Variants in SRCIN1 observed in about 807,000 individuals in gnomAD.
The protein encoded by SRCIN1 is P130Cas-associated protein.
SRCIN1 carries 50 observed loss-of-function variants against 116.2 expected under a neutral mutation model. That is an observed-to-expected ratio of 0.43 (90% CI 0.34 to 0.54). SRCIN1 has a LOEUF of 0.54. Among genes scored for constraint, SRCIN1 ranks in the 20% least tolerant of loss-of-function variants. SRCIN1 has a pLI of 0.02. For synonymous variants in SRCIN1, 736 were observed against 750.0 expected (o/e 0.98, Z 0.30); for missense variants, 1,446 against 1,672.0 (o/e 0.86, Z 2.36).
chr17:38,537,164 CGA>C (rs1279297146), intron 18 of SRCIN1, among the ~76,000 whole-genome samples: 3 of 149,518 alleles, frequency 2.0e-5, no homozygotes, highest in African/African-American at 4.9e-5. Flanking sequence ...GGTGACAGAG[CGA>C]GAGACTCTAT....
intron 14 of SRCIN1, chr17:38,551,628 T>C (rs576036140): frequency 6.1e-6 from 4 of 653,108 alleles, no homozygotes; most frequent in Admixed American, 5.8e-5. Flanking sequence ...TTCTGGGCAT[T>C]CTATTGTTTC....
chr17:38,601,357 A>T (rs1909010392), intron 1 of SRCIN1, among the ~76,000 whole-genome samples: 1 of 152,006 alleles, frequency 6.6e-6, no homozygotes, highest in Admixed American at 6.5e-5. Flanking sequence ...CATGGGTGGG[A>T]GATGGAGCTG....
intron 15 of SRCIN1, 72 bp downstream of exon 15, chr17:38,551,083 C>G: frequency 1.5e-6 from 1 of 647,508 alleles, no homozygotes; most frequent in Admixed American, 2.9e-5. Flanking sequence ...AGTGCCTCCC[C>G]CATCAGCCTG....
chr17:38,543,096 A>G (rs2144901478), intron 18 of SRCIN1: 1 of 456,692 alleles, frequency 2.2e-6, no homozygotes, highest in Non-Finnish European at 4.4e-6. Flanking sequence ...CAGGTGAGGT[A>G]TGTCCACTCT....
chr17:38,547,010 C>T (rs1346062120), intron 17 of SRCIN1, among the ~76,000 whole-genome samples: 2 of 152,216 alleles, frequency 1.3e-5, no homozygotes, highest in Non-Finnish European at 2.9e-5. Context: ...GGGTAGGGTG[C>T]AGACAGCAGG....
intron 1 of SRCIN1, among the ~76,000 whole-genome samples, chr17:38,601,638 GCACACACACACACACGCTCGCGCGCA>G (rs1567888492): frequency 7.3e-6 from 1 of 137,664 alleles, no homozygotes; most frequent in East Asian, 2.0e-4. Context: ...ACACACACAC[GCACACACACACACACGCTCGCGCGCA>G]CACACACACA....
chr17:38,561,927 C>A lies in SRCIN1; in HGVS notation c.1236G>T (p.Ala412=). 1 of 1,450,124 alleles carries A rather than the reference C, an allele frequency of 6.9e-7. No homozygotes were observed. Among genetic ancestry groups the A allele is most frequent in the Non-Finnish European group, 9.0e-7 (1 of 1,116,002 alleles). 89.8% of individuals were successfully genotyped at this position (1,450,124 alleles called of 1,614,324 possible). A position where few individuals can be genotyped will look rare whatever the true frequency, so the allele number is the denominator to read the frequency against. ...LLHEGRLSLA[A]AAGDPFAYPG... Reference sequence around the variant, plus strand: ...GGTAGGCGAACGGGTCGCCGGCGGCCGCGGCCAGGCTCAGACGGCCCTCGT... The same window carrying A: ...GGTAGGCGAACGGGTCGCCGGCGGCAGCGGCCAGGCTCAGACGGCCCTCGT... Residue 412 remains alanine (A), a synonymous_variant, in exon 7 of 19, where the codon GCG becomes GCT. Coordinates refer to ENST00000617146, the MANE Select transcript of SRCIN1 (RefSeq NM_025248.3).
At chr17:38,570,413 G>T (rs1567871503) in intron 2 of SRCIN1, among the ~76,000 whole-genome samples, 1 of 152,144 alleles carries the variant, frequency 6.6e-6, no homozygotes, top group Non-Finnish European at 1.5e-5. Flanking sequence ...CACTCACAGT[G>T]AGAGACACAC....
At chr17:38,587,203 A>C (rs1908160909) in intron 1 of SRCIN1, among the ~76,000 whole-genome samples, 1 of 151,718 alleles carries the variant, frequency 6.6e-6, no homozygotes, top group Non-Finnish European at 1.5e-5. Flanking sequence ...AGGCCCACCC[A>C]CCACATCAGG....
rs371554660 is a variant in SRCIN1 at position 38,602,640 on chromosome 17, A to G, written c.22+3044T>C. On this transcript the variant is annotated intron_variant, in intron 1 of 18. Transcript: ENST00000617146. The surrounding 1 kb of genome is among the most constrained non-coding windows in gnomAD (Gnocchi z 4.2). The stretch of plus-strand genomic sequence containing the variant: ...GTGTCCCTCTCTGGGCCTCAAGGAC[A>G]TAAATGAAGAAAGAAAACAGATTTC... 1.3e-5 allele frequency: 2 copies of G among 152,270 alleles called. No homozygotes were observed. The highest frequency in any genetic ancestry group is 6.5e-5 in the Admixed American group (1 of 15,292). The allele number at this position is 152,270 out of a possible 1,614,324, so 9.4% of individuals were successfully genotyped here.
At position 38,562,745 on chromosome 17, in the gene SRCIN1, C is replaced by A; in HGVS notation, c.834+82G>T. On this transcript the variant is annotated intron_variant, in intron 6 of 18. Transcript: ENST00000617146. The surrounding 1 kb of genome is among the most constrained non-coding windows in gnomAD (Gnocchi z 4.2). ...GTCTTCTCCAAAGCTGGCCCTGGTT[C>A]CAGATGACAACTGCCCAGACCCTGC... The A allele has an allele frequency of 7.9e-7, 1 of 1,266,688 alleles. No homozygotes were observed. The highest frequency in any genetic ancestry group is 1.1e-6 in the Non-Finnish European group (1 of 894,146). The allele number at this position is 1,266,688 out of a possible 1,614,324, so 78.5% of individuals were successfully genotyped here. A position where few individuals can be genotyped will look rare whatever the true frequency, so the allele number is the denominator to read the frequency against.
At chr17:38,540,906 G>A (rs1427276256) in intron 18 of SRCIN1, among the ~76,000 whole-genome samples, 3 of 152,144 alleles carry the variant, frequency 2.0e-5, no homozygotes, top group African/African-American at 7.2e-5. Context: ...GTGAGACATC[G>A]ATGGTTTTCC....
intron 2 of SRCIN1, among the ~76,000 whole-genome samples, chr17:38,576,528 G>A (rs1489124317): frequency 1.3e-5 from 2 of 151,924 alleles, no homozygotes; most frequent in Non-Finnish European, 1.5e-5. Context: ...CGCATCCCAG[G>A]TCCACTTTGT....
chr17:38,567,284 G>GATATGTGGT (rs1030104877), intron 3 of SRCIN1, among the ~76,000 whole-genome samples: 1 of 152,186 alleles, frequency 6.6e-6, no homozygotes, highest in Non-Finnish European at 1.5e-5. Context: ...AGGCTAAGAG[G>GATATGTGGT]ATATGTGGCT....
At position 38,551,365 on chromosome 17, in the gene SRCIN1, T is replaced by C; in HGVS notation, c.2752A>G (p.Lys918Glu). ...CTGTACTGGGTCAGGGCTGCCCGCT[T>C]CTCCTCCCAGTCTCGCTCTGCAGCC... Reference protein sequence around the residue: ...VEAAERDWEEKRAALTQYSAK... With the variant: ...VEAAERDWEEERAALTQYSAK... The change falls in exon 15 of 19, where the codon AAG becomes GAG. Residue 918 changes from lysine to glutamate, a missense_variant. Physicochemically the swap from Lys to Glu is moderately conservative, Grantham distance 56. Coordinates refer to ENST00000617146, the MANE Select transcript of SRCIN1 (RefSeq NM_025248.3). 1 of 1,612,900 alleles carries C rather than the reference T, an allele frequency of 6.2e-7. No homozygotes were observed. Among genetic ancestry groups the C allele is most frequent in the Non-Finnish European group, 8.5e-7 (1 of 1,179,468 alleles).
At chr17:38,581,263 G>A (rs560098403) in intron 1 of SRCIN1, among the ~76,000 whole-genome samples, 156 of 152,134 alleles carry the variant, frequency 1.0e-3, no homozygotes, top group African/African-American at 2.8e-3. Flanking sequence ...AAAATTAGCC[G>A]GGAGTGATAG....
rs1484815687 is a variant in SRCIN1, at chr17:38,572,220, A to C, written c.325-3989T>G. Among the ~76,000 whole-genome samples the C allele has an allele frequency of 6.6e-6, 1 of 152,202 alleles. No individual in the cohort carries two copies. Among genetic ancestry groups the C allele is most frequent in the Non-Finnish European group, 1.5e-5 (1 of 68,026 alleles). On this transcript the variant is annotated intron_variant, in intron 2 of 18. Coordinates refer to ENST00000617146, the MANE Select transcript of SRCIN1 (RefSeq NM_025248.3). The surrounding 1 kb of genome is among the most constrained non-coding windows in gnomAD (Gnocchi z 4.3). ...AACTCCCATGAACACGAGTCAGCGT[A>C]AACACTCGTCCCCCGGGCTGGGGCT... is the stretch of plus-strand genomic sequence containing the variant.
At chr17:38,570,189 A>C (rs1338608554) in intron 2 of SRCIN1, among the ~76,000 whole-genome samples, 1 of 152,116 alleles carries the variant, frequency 6.6e-6, no homozygotes, top group Non-Finnish European at 1.5e-5. Flanking sequence ...CCCAGTCAGA[A>C]ACAGCCCTGG....
At chr17:38,539,805 G>A (rs894396181) in intron 18 of SRCIN1, among the ~76,000 whole-genome samples, 3 of 152,014 alleles carry the variant, frequency 2.0e-5, no homozygotes, top group Admixed American at 6.6e-5. Context: ...CGGATCACTT[G>A]AGGTCAGGAG....
Sources: allele counts gnomAD v4.1 joint callset (sites outside exome capture counted in the v4.1 genomes callset), GRCh38; gene constraint gnomAD v4.1.1; non-coding constraint Gnocchi (gnomAD v3.1); transcripts MANE v1.5; gene names NCBI Gene and HGNC (gene_info 2026-07-23, HGNC 2026-07-21).